BMP2: variants seen among roughly 807,000 people sequenced by gnomAD.
The protein encoded by BMP2 is bone morphogenetic protein 2.
In BMP2, 2 loss-of-function variants were observed where a neutral mutation model predicts 28.8. The observed-to-expected ratio is 0.07, with a 90% CI of 0.03 to 0.22. The LOEUF is 0.22. Among genes scored for constraint, BMP2 ranks in the 10% least tolerant of loss-of-function variants. The pLI, the probability that BMP2 is intolerant of heterozygous loss-of-function variation, is 1.00. For synonymous variants in BMP2, 218 were observed against 204.3 expected (o/e 1.07, Z -0.57); for missense variants, 437 against 517.7 (o/e 0.84, Z 1.51).
At chr20:6,769,532 G>A (rs1986341547) in intron 1 of BMP2, among the ~76,000 whole-genome samples, 1 of 152,074 alleles carries the variant, frequency 6.6e-6, no homozygotes, top group African/African-American at 2.4e-5. Context: ...AGACACCCCT[G>A]AGGGTAGGGG....
At chr20:6,777,179 A>G (rs919620513) in intron 2 of BMP2, among the ~76,000 whole-genome samples, 1 of 152,182 alleles carries the variant, frequency 6.6e-6, no homozygotes, top group Non-Finnish European at 1.5e-5. Context: ...GGAGAATAAT[A>G]CTTCTTAAAA....
At position 6,769,600 on chromosome 20, in the gene BMP2, G is replaced by C. The variant is rs575235634; in HGVS notation, c.-7-520G>C. On this transcript the variant is annotated intron_variant, in intron 1 of 2. Coordinates refer to ENST00000378827, the MANE Select transcript of BMP2 (RefSeq NM_001200.4). ...TTGTGGCCTTGAGCTTACAGGGTCT[G>C]GAAGCTATAAGGGTGTGTGTGTGTG... Among the ~76,000 whole-genome samples, 3 of 132,016 alleles carry C rather than the reference G, an allele frequency of 2.3e-5. No homozygotes were observed. In the East Asian group the frequency reaches 6.9e-4, roughly 30 times the overall value. The allele number at this position is 132,016 out of a possible 152,430, so 86.6% of individuals were successfully genotyped here.
In BMP2 at chr20:6,770,199, G is replaced by A. The variant is rs763897233; in HGVS notation, c.73G>A (p.Val25Ile). The A allele has an allele frequency of 6.3e-7, 1 of 1,588,418 alleles. No individual in the cohort carries two copies. The highest frequency in any genetic ancestry group is 1.8e-5 in the Admixed American group (1 of 56,650). Residue 25 changes from valine to isoleucine, a missense_variant, in exon 2 of 3, where the codon GTT becomes ATT. Physicochemically the swap from Val to Ile is conservative, Grantham distance 29. Coordinates refer to ENST00000378827, the MANE Select transcript of BMP2 (RefSeq NM_001200.4). ...CCTCCTGGGCGGCGCGGCTGGCCTC[G>A]TTCCGGAGCTGGGCCGCAGGAAGTT... ...QVLLGGAAGLVPELGRRKFAA... is the reference protein window; with the variant it reads ...QVLLGGAAGLIPELGRRKFAA...
intron 2 of BMP2, among the ~76,000 whole-genome samples, chr20:6,774,799 T>C (rs1037951303): frequency 3.9e-5 from 6 of 152,204 alleles, no homozygotes; most frequent in Admixed American, 2.0e-4. Flanking sequence ...CTTTTGTTAA[T>C]GTTATAGCCT....
rs1320634389 is a variant in BMP2, at chr20:6,780,031, G to GT, written c.*946dup. On this transcript the variant is annotated 3_prime_UTR_variant, in exon 3 of 3. Coordinates refer to ENST00000378827, the MANE Select transcript of BMP2 (RefSeq NM_001200.4). ...CATCAAGGGTTGGAAATTTATTTGT[G>GT]TTTTACCTTTACCTCATCTGAGAGC... The GT allele has an allele frequency of 2.0e-5, 3 of 152,560 alleles. No homozygotes were observed. Among genetic ancestry groups the GT allele is most frequent in the Admixed American group, 6.5e-5 (1 of 15,280 alleles). 9.5% of individuals were successfully genotyped at this position (152,560 alleles called of 1,614,324 possible).
In BMP2 at chr20:6,778,728, A is replaced by G. The variant is rs368389739; in HGVS notation, c.830A>G (p.His277Arg). ...FGHDGKGHPLHKREKRQAKHK... is the reference protein window; with the variant it reads ...FGHDGKGHPLRKREKRQAKHK... Reference sequence around the variant, plus strand: ...CATGATGGAAAAGGGCATCCTCTCCACAAAAGAGAAAAACGTCAAGCCAAA... The same window carrying G: ...CATGATGGAAAAGGGCATCCTCTCCGCAAAAGAGAAAAACGTCAAGCCAAA... Residue 277 changes from histidine to arginine, a missense_variant, in exon 3 of 3, where the codon CAC (histidine) becomes CGC (arginine). Transcript: ENST00000378827. This position sits in a 1 kb window ranked among gnomAD's most constrained non-coding sequence, Gnocchi z 5.0. The G allele has an allele frequency of 6.2e-7, 1 of 1,614,236 alleles. No homozygotes were observed. Among genetic ancestry groups the G allele is most frequent in the Non-Finnish European group, 8.5e-7 (1 of 1,180,028 alleles).
chr20:6,772,837 G>C (rs1986427059), intron 2 of BMP2, among the ~76,000 whole-genome samples: 1 of 152,194 alleles, frequency 6.6e-6, no homozygotes, highest in Middle Eastern at 3.2e-3. Flanking sequence ...CCTTTCTCCA[G>C]TGGCTTTTAT....
chr20:6,773,576 A>G (rs1026400455), intron 2 of BMP2, among the ~76,000 whole-genome samples: 14 of 152,192 alleles, frequency 9.2e-5, no homozygotes, highest in African/African-American at 3.4e-4. Flanking sequence ...CACTGAGACA[A>G]TAAGAGAATA....
In BMP2 at chr20:6,778,947, A is replaced by G; in HGVS notation, c.1049A>G (p.Asn350Ser). ...CATGCCATTGTTCAGACGTTGGTCA[A>G]CTCTGTTAACTCTAAGATTCCTAAG... Reference protein sequence around the residue: ...TNHAIVQTLVNSVNSKIPKAC... With the variant: ...TNHAIVQTLVSSVNSKIPKAC... Residue 350 changes from asparagine (N) to serine (S), a missense_variant, in exon 3 of 3, where the codon AAC becomes AGC. This residue lies in a region of BMP2 where 74 missense variants were observed against 124.9 expected (regional missense o/e 0.59). Coordinates refer to ENST00000378827, the MANE Select transcript of BMP2 (RefSeq NM_001200.4). This position sits in a 1 kb window ranked among gnomAD's most constrained non-coding sequence, Gnocchi z 5.0. The G allele has an allele frequency of 5.6e-6, 9 of 1,613,496 alleles. No homozygotes were observed. The highest frequency in any genetic ancestry group is 7.6e-6 in the Non-Finnish European group (9 of 1,179,938).
chr20:6,776,379 C>T (rs892227404), intron 2 of BMP2, among the ~76,000 whole-genome samples: 9 of 152,316 alleles, frequency 5.9e-5, no homozygotes, highest in African/African-American at 2.2e-4. Context: ...TGTTCTGAGA[C>T]CCTGGCTGGG....
chr20:6,768,221 C>A lies in BMP2; in HGVS notation c.-662C>A. The A allele has an allele frequency of 2.5e-6, 1 of 398,320 alleles. No homozygotes were observed. Among genetic ancestry groups the A allele is most frequent in the Non-Finnish European group, 4.4e-6 (1 of 225,880 alleles). 24.7% of individuals were successfully genotyped at this position (398,320 alleles called of 1,614,324 possible). On this transcript the variant is annotated 5_prime_UTR_variant, in exon 1 of 3. Coordinates refer to ENST00000378827, the MANE Select transcript of BMP2 (RefSeq NM_001200.4). ...GCCCGAGGACGACGGGGCGCCAGAG[C>A]CGCGGTGCTTTCAACTGGCGAGCGC...
intron 2 of BMP2, among the ~76,000 whole-genome samples, chr20:6,772,216 CTG>C (rs1374350532): frequency 2.6e-5 from 4 of 152,298 alleles, no homozygotes; most frequent in African/African-American, 4.8e-5. Context: ...CGTTATTCAA[CTG>C]TGTTATTTTA....
In BMP2 at chr20:6,768,685, G is replaced by A. The variant is rs552870120; in HGVS notation, c.-198G>A. Reference sequence around the variant, plus strand: ...GCCCCTCCACTCCTCGGCCTTGCCCGACACTGAGACGCTGTTCCCAGCGTG... The same window carrying A: ...GCCCCTCCACTCCTCGGCCTTGCCCAACACTGAGACGCTGTTCCCAGCGTG... On this transcript the variant is annotated 5_prime_UTR_variant, in exon 1 of 3. Transcript: ENST00000378827. 14 of 396,418 alleles carry A rather than the reference G, an allele frequency of 3.5e-5. No homozygotes were observed. The highest frequency in any genetic ancestry group is 5.3e-5 in the Non-Finnish European group (12 of 225,124). The allele number at this position is 396,418 out of a possible 1,614,324, so 24.6% of individuals were successfully genotyped here.
chr20:6,769,612 G>GGTGT (rs61071559), intron 1 of BMP2, among the ~76,000 whole-genome samples: 30,833 of 139,736 alleles, frequency 0.22, 3,564 homozygotes, highest in East Asian at 0.29. Context: ...AAGCTATAAG[G>GGTGT]GTGTGTGTGT....
chr20:6,772,761 G>A (rs763505414), intron 2 of BMP2, among the ~76,000 whole-genome samples: 4 of 152,284 alleles, frequency 2.6e-5, no homozygotes, highest in Non-Finnish European at 4.4e-5. Context: ...AGTATAATGC[G>A]ACCATATCAT....
In BMP2 at chr20:6,779,410, A is replaced by G. The variant is rs1275216080; in HGVS notation, c.*321A>G. 6.5e-6 allele frequency: 1 copy of G among 152,808 alleles called. No homozygotes were observed. The highest frequency in any genetic ancestry group is 1.5e-5 in the Non-Finnish European group (1 of 68,208). The allele number at this position is 152,808 out of a possible 1,614,324, so 9.5% of individuals were successfully genotyped here. The stretch of plus-strand genomic sequence containing the variant: ...ATTTATTTTGTATTTATTTACTATT[A>G]TAACCACTTTTTAGGAAAAAAATAG... On this transcript the variant is annotated 3_prime_UTR_variant, in exon 3 of 3. Coordinates refer to ENST00000378827, the MANE Select transcript of BMP2 (RefSeq NM_001200.4).
intron 1 of BMP2, 92 bp from the exon 2 acceptor site, chr20:6,770,028 C>T: frequency 1.5e-6 from 2 of 1,328,458 alleles, no homozygotes; most frequent in Admixed American, 2.4e-5. Context: ...CTGGAGGAGG[C>T]ACGCCAGCCA....
chr20:6,771,072 T>A lies in BMP2; in HGVS notation c.346+600T>A, dbSNP rs144183401. Among the ~76,000 whole-genome samples the A allele has an allele frequency of 1.4e-3, 213 of 152,336 alleles. 2 individuals carry two copies. The East Asian group carries it at 0.034, about 25-fold the overall frequency. ...ACAATCAATCTTATTGTTTCCACAATGACTTTCTTGTCCTGTGCTTAAATC... is the reference window on the plus strand; with the variant it reads ...ACAATCAATCTTATTGTTTCCACAAAGACTTTCTTGTCCTGTGCTTAAATC... On this transcript the variant is annotated intron_variant, in intron 2 of 2. Transcript: ENST00000378827.
intron 2 of BMP2, among the ~76,000 whole-genome samples, chr20:6,776,670 G>GT: frequency 6.6e-6 from 1 of 152,316 alleles, no homozygotes; most frequent in Middle Eastern, 3.4e-3. Context: ...TGTACAAGCT[G>GT]TTTTATGTGA....
Sources: allele counts gnomAD v4.1 joint callset (sites outside exome capture counted in the v4.1 genomes callset), GRCh38; gene constraint gnomAD v4.1.1; regional missense constraint gnomAD v4.1.1; non-coding constraint Gnocchi (gnomAD v3.1); transcripts MANE v1.5; gene names NCBI Gene and HGNC (gene_info 2026-07-23, HGNC 2026-07-21).